WBP4: variants seen among roughly 807,000 people sequenced by gnomAD.
WBP4 encodes the protein WW domain-binding protein 4.
In WBP4, 37 loss-of-function variants were observed where a neutral mutation model predicts 55.4. The observed-to-expected ratio is 0.67, with a 90% CI of 0.51 to 0.88. The LOEUF (loss-of-function observed/expected upper bound fraction) is 0.88. WBP4 is among the 40% of genes least tolerant of loss of function. The probability of loss-of-function intolerance (pLI) is 0.00; values close to 1 mark genes in which losing one functional copy is unlikely to be tolerated. For missense variants in WBP4, 398 were observed against 420.8 expected (o/e 0.95, Z 0.47); for synonymous variants, 142 against 140.2 (o/e 1.01, Z -0.09).
chr13:41,066,583 T>G (rs909995627), intron 4 of WBP4, among the ~76,000 whole-genome samples: 1 of 152,230 alleles, frequency 6.6e-6, no homozygotes, highest in African/African-American at 2.4e-5. Context: ...TTGCTAGTTA[T>G]GACTTTTGAT....
intron 9 of WBP4, among the ~76,000 whole-genome samples, chr13:41,081,498 C>CAAAAAA (rs555764002): frequency 4.9e-5 from 4 of 81,170 alleles, no homozygotes; most frequent in African/African-American, 2.0e-4. Context: ...ACCTTGTCTC[C>CAAAAAA]AAAAAAAAAA....
intron 1 of WBP4, 35 bp downstream of exon 1, chr13:41,061,710 T>A: frequency 6.2e-7 from 1 of 1,613,632 alleles, no homozygotes; most frequent in Non-Finnish European, 8.5e-7. Context: ...CAACGAGGTG[T>A]TGTTTCTCTG....
At chr13:41,062,771 T>G (rs928949131) in intron 2 of WBP4, 55 bp downstream of exon 2, 60 of 1,505,138 alleles carry the variant, frequency 4.0e-5, no homozygotes, top group Non-Finnish European at 5.2e-5. Flanking sequence ...AATGAAGTGC[T>G]CCTTTTTGAT....
At chr13:41,062,282 A>C in intron 1 of WBP4, 6 of 984,612 alleles carry the variant, frequency 6.1e-6, no homozygotes, top group Non-Finnish European at 6.0e-6. Flanking sequence ...TTTAAGGCAA[A>C]CTTTATGAGT....
At chr13:41,065,778 A>G (rs1356267148) in intron 4 of WBP4, among the ~76,000 whole-genome samples, 1 of 152,212 alleles carries the variant, frequency 6.6e-6, no homozygotes, top group Non-Finnish European at 1.5e-5. Context: ...TACTACTAGA[A>G]GGAAGTTCCA....
chr13:41,071,443 T>G (rs1566210950), intron 5 of WBP4, 84 bp from the exon 6 acceptor site: 4 of 1,120,402 alleles, frequency 3.6e-6, no homozygotes, highest in Admixed American at 2.1e-5. Context: ...TTGTACATAA[T>G]GACTGTAAAT....
chr13:41,065,349 C>T, intron 4 of WBP4, 62 bp downstream of exon 4: 1 of 1,496,042 alleles, frequency 6.7e-7, no homozygotes, highest in South Asian at 1.3e-5. Context: ...AGAGGTCAAG[C>T]TAAGTAAGCT....
At chr13:41,075,000 T>C (rs1329625628) in intron 7 of WBP4, among the ~76,000 whole-genome samples, 1 of 152,178 alleles carries the variant, frequency 6.6e-6, no homozygotes, top group East Asian at 1.9e-4. Flanking sequence ...GAAAGTTCTA[T>C]TGTTAACTTG....
At chr13:41,062,564 C>G (rs1246175090) in intron 1 of WBP4, 80 bp from the exon 2 acceptor site, 4 of 1,343,830 alleles carry the variant, frequency 3.0e-6, no homozygotes, top group Admixed American at 4.3e-5. Context: ...ATATTTCAAA[C>G]TTTAAAAACT....
intron 2 of WBP4, among the ~76,000 whole-genome samples, chr13:41,064,088 G>A (rs181695070): frequency 6.7e-6 from 1 of 149,080 alleles, no homozygotes. Flanking sequence ...TCATTTTCTT[G>A]CCTATCCTTC....
At chr13:41,064,314 C>T (rs1396360005) in intron 2 of WBP4, among the ~76,000 whole-genome samples, 1 of 151,990 alleles carries the variant, frequency 6.6e-6, no homozygotes, top group Non-Finnish European at 1.5e-5. Flanking sequence ...AGATGGATAC[C>T]GTATTGTTAT....
chr13:41,065,425 C>T, intron 4 of WBP4, 138 bp downstream of exon 4: 3 of 1,235,172 alleles, frequency 2.4e-6, no homozygotes, highest in Non-Finnish European at 2.1e-6. Context: ...TGCATCATAG[C>T]CCTGTTTAGA....
At position 41,072,762 on chromosome 13, in the gene WBP4, G is replaced by T. The variant is rs1005212824; in HGVS notation, c.487-20G>T. 1 of 1,607,840 alleles carries T rather than the reference G, an allele frequency of 6.2e-7. No individual in the cohort carries two copies. The highest frequency in any genetic ancestry group is 8.5e-7 in the Non-Finnish European group (1 of 1,176,954). ...TCATGGTTATCCTTAGTTTATGCTG[G>T]GTTTTTTTCCTCCTATTAGACAGCA... is the stretch of plus-strand genomic sequence containing the variant. On this transcript the variant is annotated intron_variant, in intron 6 of 9. Transcript: ENST00000379487.
In WBP4 at chr13:41,082,928, T is replaced by G. The variant is rs1375564151; in HGVS notation, c.*14T>G. ...GATGATCAATAGTTGCAGGAGAGCT[T>G]TTTGTACATGCTTTTAGGACAGAAT... On this transcript the variant is annotated 3_prime_UTR_variant, in exon 10 of 10. Transcript: ENST00000379487. 3 of 1,613,140 alleles carry G rather than the reference T, an allele frequency of 1.9e-6. No individual in the cohort carries two copies. Among genetic ancestry groups the G allele is most frequent in the Admixed American group, 1.7e-5 (1 of 59,938 alleles).
chr13:41,080,745 A>G lies in WBP4; in HGVS notation c.856A>G (p.Lys286Glu), dbSNP rs1377968652. The G allele has an allele frequency of 3.1e-6, 5 of 1,606,544 alleles. No individual in the cohort carries two copies. Among genetic ancestry groups the G allele is most frequent in the Non-Finnish European group, 3.4e-6 (4 of 1,178,378 alleles). The change falls in exon 9 of 10, where the codon AAA (lysine) becomes GAA (glutamate). Residue 286 changes from lysine (K) to glutamate (E), a missense_variant. Transcript: ENST00000379487. ...NSLGSNEEKS[K>E]TLKKSNPYGE... is the part of the protein sequence containing the mutation. ...ATTAGGTTCAAATGAAGAAAAATCG[A>G]AAACTCTTAAGAAATCAAACCCATA...
intron 9 of WBP4, among the ~76,000 whole-genome samples, chr13:41,081,498 C>CA (rs555764002): frequency 0.086 from 6,971 of 80,866 alleles, 633 homozygotes; most frequent in African/African-American, 0.24. Flanking sequence ...ACCTTGTCTC[C>CA]AAAAAAAAAA....
At chr13:41,067,781 C>T (rs1304115171) in intron 4 of WBP4, among the ~76,000 whole-genome samples, 1 of 152,090 alleles carries the variant, frequency 6.6e-6, no homozygotes, top group Non-Finnish European at 1.5e-5. Flanking sequence ...AATATTAACC[C>T]TTTGCCATAT....
At chr13:41,073,400 A>C (rs1465478293) in intron 7 of WBP4, among the ~76,000 whole-genome samples, 1 of 151,936 alleles carries the variant, frequency 6.6e-6, no homozygotes, top group African/African-American at 2.4e-5. Context: ...CTGTAATCCA[A>C]GCTACTTGGG....
intron 6 of WBP4, among the ~76,000 whole-genome samples, chr13:41,072,142 C>A (rs913950429): frequency 1.3e-5 from 2 of 151,490 alleles, no homozygotes; most frequent in African/African-American, 4.9e-5. Flanking sequence ...TTCACATGTT[C>A]CTGTCCATTT....
Sources: allele counts gnomAD v4.1 joint callset (sites outside exome capture counted in the v4.1 genomes callset), GRCh38; gene constraint gnomAD v4.1.1; transcripts MANE v1.5; gene names NCBI Gene and HGNC (gene_info 2026-07-23, HGNC 2026-07-21).